Variants in NXN observed in about 807,000 individuals in gnomAD.
NXN encodes the protein nucleoredoxin 1.
A neutral mutation model predicts 48.6 loss-of-function variants in NXN; 16 were observed. The observed-to-expected ratio is 0.33, with a 90% CI of 0.22 to 0.50. The LOEUF (loss-of-function observed/expected upper bound fraction) is 0.50. Ranked by LOEUF, NXN falls within the 20% of genes least tolerant of loss-of-function variation. NXN has a pLI of 0.98. For synonymous variants in NXN, 281 were observed against 269.6 expected, an observed-to-expected ratio of 1.04 and a Z score of -0.41; for missense variants, 492 against 605.5, an observed-to-expected ratio of 0.81 and a Z score of 1.97.
At chr17:963,556 C>T (rs1286729572) in intron 1 of NXN, among the ~76,000 whole-genome samples, 2 of 151,978 alleles carry the variant, frequency 1.3e-5, no homozygotes, top group Non-Finnish European at 1.5e-5. Flanking sequence ...GAGCCAAGAT[C>T]GCACCACTGC....
At chr17:967,070 C>T (rs975902298) in intron 1 of NXN, among the ~76,000 whole-genome samples, 2 of 152,084 alleles carry the variant, frequency 1.3e-5, no homozygotes, top group Admixed American at 6.6e-5. Context: ...GGGCCACTCT[C>T]CCTCAGTAAT....
chr17:949,735 CG>C (rs957757535), intron 1 of NXN, among the ~76,000 whole-genome samples: 47 of 143,886 alleles, frequency 3.3e-4, no homozygotes, highest in Non-Finnish European at 6.6e-4. Flanking sequence ...CCTCTCCCCG[CG>C]GGCCTCCTCT....
chr17:810,234 G>GCGTGCACGTTACGAGTCCGTGTGAGTGA, intron 5 of NXN, among the ~76,000 whole-genome samples: 1 of 117,914 alleles, frequency 8.5e-6, no homozygotes, highest in African/African-American at 3.0e-5. Flanking sequence ...CGTGTGAGTG[G>GCGTGCACGTTACGAGTCCGTGTGAGTGA]CGTGCACGTT....
chr17:976,836 G>A (rs565032112), intron 1 of NXN, among the ~76,000 whole-genome samples: 1 of 150,678 alleles, frequency 6.6e-6, no homozygotes, highest in Admixed American at 6.6e-5. Flanking sequence ...GTGCGATCTC[G>A]GCTCACCGCA....
At chr17:938,101 C>T (rs1485521443) in intron 1 of NXN, among the ~76,000 whole-genome samples, 2 of 152,252 alleles carry the variant, frequency 1.3e-5, no homozygotes, top group Non-Finnish European at 2.9e-5. Flanking sequence ...TTCTGCGTAG[C>T]AGCAAATACA....
chr17:964,437 C>G (rs1430285896), intron 1 of NXN, among the ~76,000 whole-genome samples: 3 of 152,224 alleles, frequency 2.0e-5, no homozygotes, highest in Non-Finnish European at 4.4e-5. Flanking sequence ...TTAATACTTT[C>G]CGCAAATCCA....
At chr17:922,455 A>G (rs915030294) in intron 1 of NXN, among the ~76,000 whole-genome samples, 1 of 152,098 alleles carries the variant, frequency 6.6e-6, no homozygotes, top group Non-Finnish European at 1.5e-5. Context: ...AAAAAAAGAA[A>G]AAAAGAAAAG....
At position 919,811 on chromosome 17, in the gene NXN, T is replaced by G. The variant is rs115797287; in HGVS notation, c.360+59508A>C. ...CAGGAAACGCTCTCCCTTCCATCAT[T>G]CAATCTTGGCGGACCACACTGGTAT... On this transcript the variant is annotated intron_variant, in intron 1 of 7. Transcript: ENST00000336868. The surrounding 1 kb of genome is among the most constrained non-coding windows in gnomAD (Gnocchi z 5.1). Among the ~76,000 whole-genome samples, 1 of 152,046 alleles carries G rather than the reference T, an allele frequency of 6.6e-6. No individual in the cohort carries two copies. Among genetic ancestry groups the G allele is most frequent in the African/African-American group, 2.4e-5 (1 of 41,400 alleles).
intron 1 of NXN, among the ~76,000 whole-genome samples, chr17:911,539 C>G (rs1393914963): frequency 6.6e-6 from 1 of 151,888 alleles, no homozygotes; most frequent in Non-Finnish European, 1.5e-5. Flanking sequence ...CCGTGTTAGC[C>G]AGGATGGTCT....
intron 1 of NXN, among the ~76,000 whole-genome samples, chr17:950,732 G>C (rs1029046388): frequency 6.6e-6 from 1 of 152,058 alleles, no homozygotes; most frequent in Non-Finnish European, 1.5e-5. Context: ...GGATGCCACC[G>C]AGTGGACGGA....
chr17:872,752 C>G (rs1294585198), intron 1 of NXN, among the ~76,000 whole-genome samples: 1 of 151,268 alleles, frequency 6.6e-6, no homozygotes, highest in Non-Finnish European at 1.5e-5. Context: ...TCCCAAGTAG[C>G]TGGGATTACA....
chr17:944,530 A>C (rs1210521524), intron 1 of NXN, among the ~76,000 whole-genome samples: 1 of 152,194 alleles, frequency 6.6e-6, no homozygotes, highest in Non-Finnish European at 1.5e-5. Flanking sequence ...AAAGGGGCAA[A>C]TGTAAGGTAG....
At chr17:971,470 G>A (rs1410014734) in intron 1 of NXN, among the ~76,000 whole-genome samples, 1 of 151,722 alleles carries the variant, frequency 6.6e-6, no homozygotes, top group African/African-American at 2.4e-5. Context: ...CAGCACTTTG[G>A]GAGGCCGAGG....
Position 918,418 on chromosome 17 carries a change from G to A in NXN, c.360+60901C>T, listed in dbSNP as rs574937777. Among the ~76,000 whole-genome samples, 20 of 152,302 alleles carry A rather than the reference G, an allele frequency of 1.3e-4. No individual in the cohort carries two copies. The South Asian group carries it at 3.5e-3, about 27-fold the overall frequency. Reference sequence around the variant, plus strand: ...TTCGTGAACTGGGCTCAGGGAGGCCGTGACTCCCATTTCCATTTGGCTCCC... The same window carrying A: ...TTCGTGAACTGGGCTCAGGGAGGCCATGACTCCCATTTCCATTTGGCTCCC... On this transcript the variant is annotated intron_variant, in intron 1 of 7. Coordinates refer to ENST00000336868, the MANE Select transcript of NXN (RefSeq NM_022463.5).
At chr17:809,318 C>T (rs1398222976) in intron 5 of NXN, among the ~76,000 whole-genome samples, 1 of 152,200 alleles carries the variant, frequency 6.6e-6, no homozygotes, top group Non-Finnish European at 1.5e-5. Context: ...TTCACCGTCT[C>T]CCTCAAAACA....
chr17:931,010 C>T (rs2068847655), intron 1 of NXN, among the ~76,000 whole-genome samples: 1 of 152,082 alleles, frequency 6.6e-6, no homozygotes, highest in African/African-American at 2.4e-5. Flanking sequence ...ACCTCATGAT[C>T]CGCCCGACTC....
chr17:801,652 C>G (rs1004985804), intron 7 of NXN, among the ~76,000 whole-genome samples: 2 of 152,118 alleles, frequency 1.3e-5, no homozygotes, highest in Non-Finnish European at 2.9e-5. Context: ...CCATGTTGGT[C>G]AGGCTGGTCT....
At chr17:837,182 G>A (rs189192209) in intron 1 of NXN, among the ~76,000 whole-genome samples, 6 of 152,122 alleles carry the variant, frequency 3.9e-5, no homozygotes, top group Admixed American at 3.9e-4. Context: ...CTCGCTATGT[G>A]CCCCAGGCTG....
intron 5 of NXN, among the ~76,000 whole-genome samples, chr17:808,523 G>A (rs897977484): frequency 2.6e-5 from 4 of 151,974 alleles, no homozygotes; most frequent in Admixed American, 6.6e-5. Context: ...TCGAACTCCC[G>A]ACCTCAGGTG....
Sources: gnomAD v4.1 joint callset for allele counts (sites outside exome capture counted in the v4.1 genomes callset) on GRCh38, gnomAD v4.1.1 for gene constraint, Gnocchi (gnomAD v3.1) non-coding constraint, MANE v1.5 for transcripts, NCBI Gene and HGNC (gene_info 2026-07-23, HGNC 2026-07-21) for gene names.